KREMEN1: variants seen among roughly 807,000 people sequenced by gnomAD.
KREMEN1 encodes the protein kringle containing transmembrane protein 1.
Under a neutral mutation model 46.5 loss-of-function variants are expected in KREMEN1, and 30 were observed. The ratio of observed to expected loss-of-function variants is 0.65; its 90% confidence interval spans 0.48 to 0.88. The LOEUF is 0.88. Among genes scored for constraint, KREMEN1 ranks in the 40% least tolerant of loss-of-function variants. The pLI is 0.00. For missense variants in KREMEN1, 533 were observed against 596.9 expected, an observed-to-expected ratio of 0.89 and a Z score of 1.11; for synonymous variants, 214 against 230.6, an observed-to-expected ratio of 0.93 and a Z score of 0.65.
chr22:29,077,132 T>C (rs2037585163), intron 1 of KREMEN1, among the ~76,000 whole-genome samples: 1 of 152,154 alleles, frequency 6.6e-6, no homozygotes, highest in Non-Finnish European at 1.5e-5. Flanking sequence ...TTTAGAATTT[T>C]TGAGTCTGGA....
intron 3 of KREMEN1, among the ~76,000 whole-genome samples, chr22:29,110,102 C>T (rs1201628900): frequency 3.9e-5 from 6 of 152,186 alleles, no homozygotes; most frequent in Admixed American, 3.9e-4. Context: ...TAAGCGCCAA[C>T]AGTTTATCAT....
At chr22:29,156,963 G>A (rs1240218276) in intron 9 of KREMEN1, among the ~76,000 whole-genome samples, 1 of 152,198 alleles carries the variant, frequency 6.6e-6, no homozygotes, top group East Asian at 1.9e-4. Flanking sequence ...ATCCTGGGTG[G>A]ATAACATCTC....
chr22:29,165,706 T>A (rs1054872281), intron 9 of KREMEN1, among the ~76,000 whole-genome samples: 8 of 152,208 alleles, frequency 5.3e-5, no homozygotes, highest in Non-Finnish European at 4.4e-5. Context: ...CTTGGCTATG[T>A]TGGAGCTCTA....
chr22:29,082,205 TTTTTA>T lies in KREMEN1; in HGVS notation c.97+9003_97+9007del, dbSNP rs544424903. Among the ~76,000 whole-genome samples the T allele has an allele frequency of 2.7e-3, 414 of 152,090 alleles. 2 individuals are homozygous for T. The highest frequency in any genetic ancestry group is 9.5e-3 in the African/African-American group (393 of 41,466). On this transcript the variant is annotated intron_variant, in intron 1 of 8. Coordinates refer to ENST00000400335, the MANE Select transcript of KREMEN1 (RefSeq NM_001039570.3). The stretch of plus-strand genomic sequence containing the variant: ...GCAAACTAAGAATATAAAATTCATA[TTTTTA>T]TTTTATTTTATTTTATTTTATTTTT...
At chr22:29,121,648 TAGAA>T (rs2038358876) in intron 4 of KREMEN1, among the ~76,000 whole-genome samples, 167 bp downstream of exon 4, 1 of 152,200 alleles carries the variant, frequency 6.6e-6, no homozygotes, top group South Asian at 2.1e-4. Flanking sequence ...TCCATAGGGA[TAGAA>T]AGCAGGTTAG....
intron 3 of KREMEN1, among the ~76,000 whole-genome samples, chr22:29,101,739 G>A (rs1018764317): frequency 6.6e-6 from 1 of 152,200 alleles, no homozygotes. Flanking sequence ...CAGGTTTGTA[G>A]CCTAGGAGTG....
chr22:29,145,387 GC>G lies in KREMEN1; in HGVS notation c.*3279del, dbSNP rs2038840966. The G allele has an allele frequency of 1.0e-6, 1 of 985,440 alleles. No individual in the cohort carries two copies. Among genetic ancestry groups the G allele is most frequent in the Admixed American group, 6.1e-5 (1 of 16,262 alleles). The allele number at this position is 985,440 out of a possible 1,614,324, so 61.0% of individuals were successfully genotyped here. ...GAGCTCTGAAAGCACCCTGGCCAAA[GC>G]CCCTCCTGAGGTGACAGAGCGTGGG... On this transcript the variant is annotated 3_prime_UTR_variant, in exon 9 of 9. Transcript: ENST00000400335.
chr22:29,147,069 GGGTCA>G (rs2038875734), downstream of KREMEN1, among the ~76,000 whole-genome samples: 1 of 152,168 alleles, frequency 6.6e-6, no homozygotes, highest in Non-Finnish European at 1.5e-5. Flanking sequence ...CATCCAAGGA[GGGTCA>G]GGGCAGAGCA....
At chr22:29,084,025 G>A (rs113694608) in intron 1 of KREMEN1, among the ~76,000 whole-genome samples, 2 of 152,248 alleles carry the variant, frequency 1.3e-5, no homozygotes, top group South Asian at 4.1e-4. Flanking sequence ...TTCCGGGAAG[G>A]GGGTGAGGAG....
At chr22:29,154,941 T>A (rs2038947952) in intron 9 of KREMEN1, among the ~76,000 whole-genome samples, 1 of 152,174 alleles carries the variant, frequency 6.6e-6, no homozygotes, top group Non-Finnish European at 1.5e-5. Context: ...AGTGATCAGA[T>A]GAATTATTCT....
intron 1 of KREMEN1, among the ~76,000 whole-genome samples, chr22:29,085,364 A>G (rs2037712721): frequency 6.6e-6 from 1 of 152,190 alleles, no homozygotes; most frequent in Non-Finnish European, 1.5e-5. Flanking sequence ...TTTTGTAACC[A>G]ATTTCAGATA....
At chr22:29,120,553 G>A (rs866191187) in intron 3 of KREMEN1, among the ~76,000 whole-genome samples, 3 of 147,792 alleles carry the variant, frequency 2.0e-5, no homozygotes, top group African/African-American at 7.5e-5. Flanking sequence ...GAGAGGTGAC[G>A]ATGGAAACAG....
chr22:29,146,809 G>A lies in KREMEN1; in HGVS notation c.*4697G>A, dbSNP rs2038872781. ...TCTGGAAAAAATAAATATTCTCATT[G>A]TTGTAGAAAGAGTGATGGGCCCTAT... On this transcript the variant is annotated 3_prime_UTR_variant, in exon 9 of 9. Transcript: ENST00000400335. 1.0e-6 allele frequency: 1 copy of A among 971,082 alleles called. No individual in the cohort carries two copies. Among genetic ancestry groups the A allele is most frequent in the Middle Eastern group, 5.3e-4 (1 of 1,890 alleles). 60.2% of individuals were successfully genotyped at this position (971,082 alleles called of 1,614,324 possible).
chr22:29,106,544 A>G (rs1239410590), intron 3 of KREMEN1, among the ~76,000 whole-genome samples: 1 of 151,560 alleles, frequency 6.6e-6, no homozygotes, highest in East Asian at 1.9e-4. Flanking sequence ...TGGCATGTCT[A>G]CTCTCCCGCC....
intron 2 of KREMEN1, among the ~76,000 whole-genome samples, chr22:29,094,689 T>C (rs989145127): frequency 2.7e-5 from 4 of 149,728 alleles, no homozygotes; most frequent in Non-Finnish European, 5.9e-5. Flanking sequence ...AGTGGCGCGA[T>C]CTCGGCTCAC....
At chr22:29,119,837 A>G (rs1271384404) in intron 3 of KREMEN1, among the ~76,000 whole-genome samples, 1 of 152,234 alleles carries the variant, frequency 6.6e-6, no homozygotes, top group Non-Finnish European at 1.5e-5. Flanking sequence ...TATAATCCCT[A>G]GAATCTGTGA....
At chr22:29,120,109 A>AAC (rs56775329) in intron 3 of KREMEN1, among the ~76,000 whole-genome samples, 1,750 of 9,822 alleles carry the variant, frequency 0.18, 348 homozygotes, top group East Asian at 0.33. Context: ...TGATGAAGGA[A>AAC]ATGGAGGAGG....
At position 29,146,096 on chromosome 22, in the gene KREMEN1, A is replaced by T; in HGVS notation, c.*3984A>T. On this transcript the variant is annotated 3_prime_UTR_variant, in exon 9 of 9. Coordinates refer to ENST00000400335, the MANE Select transcript of KREMEN1 (RefSeq NM_001039570.3). Reference sequence around the variant, plus strand: ...TGAGGTCAGGCCAGGTCTCCCACGGAGCCGGGCAGCTCCACACCCCACCAC... The same window carrying T: ...TGAGGTCAGGCCAGGTCTCCCACGGTGCCGGGCAGCTCCACACCCCACCAC... 1 of 985,386 alleles carries T rather than the reference A, an allele frequency of 1.0e-6. No homozygotes were observed. Among genetic ancestry groups the T allele is most frequent in the Non-Finnish European group, 1.2e-6 (1 of 829,888 alleles). The allele number at this position is 985,386 out of a possible 1,614,324, so 61.0% of individuals were successfully genotyped here.
Position 29,164,746 on chromosome 22 carries a change from C to CAAAAAAAA in KREMEN1, c.1417-2295_1417-2288dup, listed in dbSNP as rs34444682. 1.9e-4 allele frequency among the ~76,000 whole-genome samples: 13 copies of CAAAAAAAA among 68,618 alleles called. 1 individual carries two copies. The highest frequency in any genetic ancestry group is 9.0e-4 in the African/African-American group (12 of 13,316). The allele number at this position is 68,618 out of a possible 152,430, so 45.0% of individuals were successfully genotyped here. Reference sequence around the variant, plus strand: ...GGGCTACAAGAGTGAAACTCCATCTCAAAAAAAAAACAAAAAAAAAAACCC... The same window carrying CAAAAAAAA: ...GGGCTACAAGAGTGAAACTCCATCTCAAAAAAAAAAAAAAAAAACAAAAAAAAAAACCC... On this transcript the variant is annotated intron_variant, in intron 9 of 9. Transcript: ENST00000327813.
Sources: gnomAD v4.1 joint callset for allele counts (sites outside exome capture counted in the v4.1 genomes callset) on GRCh38, gnomAD v4.1.1 for gene constraint, MANE v1.5 for transcripts, NCBI Gene and HGNC (gene_info 2026-07-23, HGNC 2026-07-21) for gene names.